MAPK10: variants seen among roughly 807,000 people sequenced by gnomAD.
MAPK10 encodes the protein JNK3 alpha protein kinase.
MAPK10 carries 25 observed loss-of-function variants against 59.3 expected under a neutral mutation model. The ratio of observed to expected loss-of-function variants is 0.42; its 90% CI spans 0.31 to 0.59. The LOEUF (loss-of-function observed/expected upper bound fraction) is 0.59. Among genes scored for constraint, MAPK10 ranks in the 20% least tolerant of loss-of-function variants. The probability of loss-of-function intolerance (pLI) is 0.15; values close to 1 mark genes in which losing one functional copy is unlikely to be tolerated. For synonymous variants in MAPK10, 190 were observed against 200.5 expected, an observed-to-expected ratio of 0.95 and a Z score of 0.44; for missense variants, 351 against 568.9, an observed-to-expected ratio of 0.62 and a Z score of 3.90.
chr4:86,418,337 T>C lies in MAPK10; in HGVS notation c.-122+34693A>G, dbSNP rs1746105616. Reference sequence around the variant, plus strand: ...AAATGTTGTGTCCTCTTTAAACCCATGTTTTCTAAACTTGTGTACTTTTTT... The same window carrying C: ...AAATGTTGTGTCCTCTTTAAACCCACGTTTTCTAAACTTGTGTACTTTTTT... On this transcript the variant is annotated intron_variant, in intron 1 of 13. Transcript: ENST00000361569. 2.0e-5 allele frequency among the ~76,000 whole-genome samples: 3 copies of C among 152,340 alleles called. No homozygotes were observed. In the South Asian group the frequency reaches 6.2e-4, roughly 32 times the overall value.
intron 9 of MAPK10, chr4:86,095,859 T>C (rs2054123345): frequency 6.6e-6 from 1 of 151,912 alleles, no homozygotes; most frequent in African/African-American, 2.4e-5. Context: ...GTTATAATTT[T>C]AATTATAGGT....
At chr4:86,462,871 G>T (rs895039575) in intron 1 of MAPK10, among the ~76,000 whole-genome samples, 1 of 152,096 alleles carries the variant, frequency 6.6e-6, no homozygotes, top group Admixed American at 6.5e-5. Context: ...TGAAGGAACT[G>T]CTTCAAGCAG....
At chr4:86,018,156 C>G (rs1744331351) in intron 13 of MAPK10, among the ~76,000 whole-genome samples, 2 of 152,082 alleles carry the variant, frequency 1.3e-5, no homozygotes, top group Non-Finnish European at 2.9e-5. Context: ...ATGCAGGGAG[C>G]TTTTAAAACA....
rs181075500 is a variant in MAPK10 at position 86,547,604 on chromosome 4, C to T, written c.-263+46306G>A. ...AGCGCCGCCCCCTGCTCCACAGCAC[C>T]CAGTCCCATTGACCACCCAAGGGCT... is the stretch of plus-strand genomic sequence containing the variant. On this transcript the variant is annotated intron_variant, in intron 1 of 4. Coordinates refer to the MAPK10 transcript ENST00000502302. Among the ~76,000 whole-genome samples, 1,010 of 152,350 alleles carry T rather than the reference C, an allele frequency of 6.6e-3. 13 individuals are homozygous for T. The highest frequency in any genetic ancestry group is 0.023 in the African/African-American group (947 of 41,588).
At chr4:86,084,937 A>G (rs1229860649) in intron 9 of MAPK10, among the ~76,000 whole-genome samples, 1 of 152,198 alleles carries the variant, frequency 6.6e-6, no homozygotes, top group Non-Finnish European at 1.5e-5. Flanking sequence ...ACCCAGAAAC[A>G]AATCCACACA....
intron 1 of MAPK10, among the ~76,000 whole-genome samples, chr4:86,518,278 C>A (rs1018011461): frequency 6.6e-6 from 1 of 152,228 alleles, no homozygotes; most frequent in African/African-American, 2.4e-5. Context: ...CCGCCTTGGC[C>A]TCTCAAAGTG....
intron 2 of MAPK10, among the ~76,000 whole-genome samples, chr4:86,213,703 G>A (rs2086520411): frequency 6.6e-6 from 1 of 151,962 alleles, no homozygotes; most frequent in Non-Finnish European, 1.5e-5. Flanking sequence ...TTACTAGCAA[G>A]GAAATTAAAT....
chr4:86,056,526 C>T (rs904663708), intron 11 of MAPK10, among the ~76,000 whole-genome samples: 1 of 150,012 alleles, frequency 6.7e-6, no homozygotes, highest in Non-Finnish European at 1.5e-5. Flanking sequence ...GGTTAAGCCA[C>T]AGTTAATAAA....
At chr4:86,291,413 C>A (rs1273948435) in intron 2 of MAPK10, among the ~76,000 whole-genome samples, 2 of 152,188 alleles carry the variant, frequency 1.3e-5, no homozygotes, top group East Asian at 3.9e-4. Context: ...TACCCTAAGG[C>A]AACTATACAA....
intron 1 of MAPK10, among the ~76,000 whole-genome samples, chr4:86,529,659 T>C (rs977537934): frequency 1.3e-5 from 2 of 152,160 alleles, no homozygotes; most frequent in African/African-American, 2.4e-5. Flanking sequence ...CCCCAAGAGG[T>C]TGGCTTCCTC....
In MAPK10 at chr4:86,422,864, A is replaced by T. The variant is rs12508545; in HGVS notation, c.-122+30166T>A. Among the ~76,000 whole-genome samples the T allele has an allele frequency of 9.5e-3, 1,444 of 152,372 alleles. 7 individuals carry two copies. The highest frequency in any genetic ancestry group is 0.014 in the Non-Finnish European group (954 of 68,044). The stretch of plus-strand genomic sequence containing the variant: ...AATCGTAGCAAACAGGAATTATATT[A>T]GGAAGCAAAACACATTAAGGAGAGC... On this transcript the variant is annotated intron_variant, in intron 1 of 13. Coordinates refer to the MAPK10 transcript ENST00000361569.
intron 1 of MAPK10, among the ~76,000 whole-genome samples, chr4:86,515,902 T>C (rs984950746): frequency 2.0e-5 from 3 of 151,810 alleles, no homozygotes; most frequent in Non-Finnish European, 2.9e-5. Flanking sequence ...TTTTGTTTTG[T>C]TTTTGTTTTT....
intron 1 of MAPK10, among the ~76,000 whole-genome samples, chr4:86,451,601 C>G (rs979715043): frequency 3.3e-5 from 5 of 152,038 alleles, no homozygotes; most frequent in African/African-American, 9.7e-5. Context: ...ACGGTGGGAC[C>G]AGAAAGTGAA....
intron 2 of MAPK10, among the ~76,000 whole-genome samples, chr4:86,290,901 T>C (rs974399360): frequency 1.3e-5 from 2 of 152,220 alleles, no homozygotes; most frequent in Non-Finnish European, 2.9e-5. Context: ...ATGTTGAGAC[T>C]AGCTTGCTAA....
chr4:86,182,925 C>T (rs1401694998), intron 3 of MAPK10, among the ~76,000 whole-genome samples: 3 of 151,768 alleles, frequency 2.0e-5, no homozygotes, highest in African/African-American at 7.3e-5. Flanking sequence ...TATTCCTTTG[C>T]TTTAAAAGAA....
At chr4:86,084,817 T>G (rs12512583) in intron 9 of MAPK10, among the ~76,000 whole-genome samples, 66,776 of 151,880 alleles carry the variant, frequency 0.44, 15,322 homozygotes, top group African/African-American at 0.55. Flanking sequence ...AGAACAAAAT[T>G]GGAGGAAATC....
At chr4:86,314,533 T>A (rs2095738198) in intron 2 of MAPK10, among the ~76,000 whole-genome samples, 1 of 152,136 alleles carries the variant, frequency 6.6e-6, no homozygotes, top group South Asian at 2.1e-4. Flanking sequence ...CCCAGCCAGG[T>A]GGAGCTATAA....
intron 2 of MAPK10, among the ~76,000 whole-genome samples, chr4:86,303,600 T>C (rs2095508412): frequency 6.6e-6 from 1 of 152,130 alleles, no homozygotes; most frequent in South Asian, 2.1e-4. Context: ...CTTGGGGAAA[T>C]AGAGAATGCC....
At chr4:86,492,695 A>G (rs921267653) in intron 1 of MAPK10, among the ~76,000 whole-genome samples, 6 of 152,334 alleles carry the variant, frequency 3.9e-5, no homozygotes, top group African/African-American at 1.4e-4. Flanking sequence ...ATAACGGTAT[A>G]TGTTCTCCTG....
Sources: allele counts gnomAD v4.1 joint callset (sites outside exome capture counted in the v4.1 genomes callset), GRCh38; gene constraint gnomAD v4.1.1; transcripts MANE v1.5; gene names NCBI Gene and HGNC (gene_info 2026-07-23, HGNC 2026-07-21).